The following SMIM3 variants were observed in gnomAD, a reference collection of about 807,000 sequenced individuals.
SMIM3 encodes small integral membrane protein 3, also known as NGF-induced differentiation clone 67 protein.
SMIM3 carries 4 observed loss-of-function variants against 2.1 expected under a neutral mutation model. The ratio of observed to expected loss-of-function variants is 1.89; its 90% confidence interval spans 0.93 to 4.31. The LOEUF is 4.31. Among genes scored for constraint, SMIM3 ranks in the 30% most tolerant of loss-of-function variants. The pLI is 0.01. For synonymous variants in SMIM3, 29 were observed against 30.8 expected, an observed-to-expected ratio of 0.94 and a Z score of 0.19; for missense variants, 79 against 77.7, an observed-to-expected ratio of 1.02 and a Z score of -0.06.
intron 1 of SMIM3, among the ~76,000 whole-genome samples, chr5:150,780,792 C>T (rs1405333951): frequency 6.6e-6 from 1 of 152,124 alleles, no homozygotes; most frequent in Non-Finnish European, 1.5e-5. Context: ...AAGGAAATAC[C>T]TCCAAGGAAA....
At chr5:150,779,025 T>C (rs1753204542) in intron 1 of SMIM3, 53 bp downstream of exon 1, 2 of 469,964 alleles carry the variant, frequency 4.3e-6, no homozygotes, top group African/African-American at 4.0e-5. Context: ...AGCGGAGCTC[T>C]TCGGATTCGC....
chr5:150,781,145 G>T (rs1398647284), intron 1 of SMIM3, among the ~76,000 whole-genome samples: 1 of 152,202 alleles, frequency 6.6e-6, no homozygotes, highest in Non-Finnish European at 1.5e-5. Flanking sequence ...CAGAAAGTAA[G>T]TGGCAGAGCT....
chr5:150,780,956 T>C (rs749527366), intron 1 of SMIM3, among the ~76,000 whole-genome samples: 3 of 152,218 alleles, frequency 2.0e-5, no homozygotes, highest in Non-Finnish European at 2.9e-5. Context: ...AATGATGTTA[T>C]AATGATCATA....
chr5:150,789,710 A>T (rs1323537982), intron 1 of SMIM3, among the ~76,000 whole-genome samples: 1 of 152,212 alleles, frequency 6.6e-6, no homozygotes, highest in Non-Finnish European at 1.5e-5. Flanking sequence ...CAATTTTTTC[A>T]GTTAGAAGAA....
intron 1 of SMIM3, among the ~76,000 whole-genome samples, chr5:150,779,829 A>ATGGGGGGGGGGGCCCCCC: frequency 9.0e-6 from 1 of 111,120 alleles, no homozygotes; most frequent in Non-Finnish European, 1.9e-5. Flanking sequence ...GAAAGGTGTA[A>ATGGGGGGGGGGGCCCCCC]CCCCCCCCGC....
In SMIM3 at chr5:150,795,579, A is replaced by G. The variant is rs751193101; in HGVS notation, c.139A>G (p.Ile47Val). Residue 47 changes from isoleucine (I) to valine (V), a missense_variant, in exon 2 of 2, where the codon ATC becomes GTC. Coordinates refer to ENST00000526627, the MANE Select transcript of SMIM3 (RefSeq NM_032947.5). ...GCTGTGCCCAGCCACTGCAGTAATCATCTATCGCATGCGGACTCATCCGAT... is the reference window on the plus strand; with the variant it reads ...GCTGTGCCCAGCCACTGCAGTAATCGTCTATCGCATGCGGACTCATCCGAT... ...LLLCPATAVI[I>V]YRMRTHPILS... 6.3e-7 allele frequency: 1 copy of G among 1,589,948 alleles called. No individual in the cohort carries two copies. Among genetic ancestry groups the G allele is most frequent in the Admixed American group, 1.8e-5 (1 of 56,776 alleles).
At chr5:150,781,139 A>G (rs1753228896) in intron 1 of SMIM3, among the ~76,000 whole-genome samples, 1 of 152,198 alleles carries the variant, frequency 6.6e-6, no homozygotes, top group South Asian at 2.1e-4. Context: ...ATCACACAGA[A>G]AGTAAGTGGC....
chr5:150,796,246 G>C lies in SMIM3; in HGVS notation c.*623G>C, dbSNP rs1753407805. ...GTGCCATCTTTGGGCACTGCCAAGG[G>C]AGTTGGGGTGATGGGCTTCTTTCTG... On this transcript the variant is annotated 3_prime_UTR_variant, in exon 2 of 2. Coordinates refer to ENST00000526627, the MANE Select transcript of SMIM3 (RefSeq NM_032947.5). The C allele has an allele frequency of 6.5e-6, 1 of 153,258 alleles. No individual in the cohort carries two copies. Among genetic ancestry groups the C allele is most frequent in the Non-Finnish European group, 1.5e-5 (1 of 68,304 alleles). 9.5% of individuals were successfully genotyped at this position (153,258 alleles called of 1,614,324 possible). A position where few individuals can be genotyped will look rare whatever the true frequency, so the allele number is the denominator to read the frequency against.
intron 1 of SMIM3, among the ~76,000 whole-genome samples, chr5:150,781,699 C>A (rs1176094103): frequency 6.6e-6 from 1 of 152,162 alleles, no homozygotes; most frequent in Non-Finnish European, 1.5e-5. Flanking sequence ...GGGAGAGCGA[C>A]CTGTTGAGGC....
intron 1 of SMIM3, among the ~76,000 whole-genome samples, chr5:150,792,058 A>G (rs921948047): frequency 1.3e-5 from 2 of 152,232 alleles, no homozygotes; most frequent in African/African-American, 4.8e-5. Flanking sequence ...CAAATAATGC[A>G]GAAAGTAACA....
At chr5:150,795,313 C>T (rs1451576846) in intron 1 of SMIM3, 117 bp from the exon 2 acceptor site, 2 of 1,076,820 alleles carry the variant, frequency 1.9e-6, no homozygotes, top group Admixed American at 3.5e-5. Context: ...ATCAGGGAAC[C>T]TTAAAGTTTA....
chr5:150,782,442 C>G (rs1217147980), intron 1 of SMIM3, among the ~76,000 whole-genome samples: 1 of 152,162 alleles, frequency 6.6e-6, no homozygotes, highest in East Asian at 1.9e-4. Context: ...ATCACTGCTC[C>G]CCTCACCCCT....
At chr5:150,793,267 A>G (rs190761813) in intron 1 of SMIM3, among the ~76,000 whole-genome samples, 170 of 152,322 alleles carry the variant, frequency 1.1e-3, no homozygotes, top group African/African-American at 3.8e-3. Context: ...TACAAATTCA[A>G]CGCAATCCCC....
intron 1 of SMIM3, among the ~76,000 whole-genome samples, chr5:150,780,116 G>A (rs1753216558): frequency 6.6e-6 from 1 of 152,190 alleles, no homozygotes; most frequent in African/African-American, 2.4e-5. Context: ...AGTTTGGAAG[G>A]ATTGGGGATG....
chr5:150,791,754 C>T (rs1011156820), intron 1 of SMIM3, among the ~76,000 whole-genome samples: 5 of 152,052 alleles, frequency 3.3e-5, no homozygotes, highest in African/African-American at 7.3e-5. Context: ...ATTTCAAATC[C>T]TTTGGTTATA....
At chr5:150,787,413 T>C (rs965958089) in intron 1 of SMIM3, among the ~76,000 whole-genome samples, 2 of 152,232 alleles carry the variant, frequency 1.3e-5, no homozygotes, top group African/African-American at 4.8e-5. Context: ...AGATTGCGTA[T>C]CTCTTCTTAA....
At chr5:150,780,262 G>A (rs1302684263) in intron 1 of SMIM3, among the ~76,000 whole-genome samples, 2 of 152,222 alleles carry the variant, frequency 1.3e-5, no homozygotes, top group East Asian at 3.9e-4. Context: ...CATGGGAGTG[G>A]AACAGATGTT....
chr5:150,780,897 T>C (rs1050005731), intron 1 of SMIM3, among the ~76,000 whole-genome samples: 1 of 152,200 alleles, frequency 6.6e-6, no homozygotes, highest in African/African-American at 2.4e-5. Flanking sequence ...GTGTTGGCAT[T>C]GCGACACCCT....
chr5:150,784,153 G>A lies in SMIM3; in HGVS notation c.-12+5181G>A, dbSNP rs183389185. Among the ~76,000 whole-genome samples, 15 of 152,122 alleles carry A rather than the reference G, an allele frequency of 9.9e-5. No homozygotes were observed. In the East Asian group the frequency reaches 2.3e-3, roughly 24 times the overall value. ...AGGATGGTCTCCATCTCTTGACCTT[G>A]TGATTTAGGAACGATGCCGGGTTCA... On this transcript the variant is annotated intron_variant, in intron 1 of 1. Coordinates refer to ENST00000526627, the MANE Select transcript of SMIM3 (RefSeq NM_032947.5).
Sources: allele counts gnomAD v4.1 joint callset (sites outside exome capture counted in the v4.1 genomes callset), GRCh38; gene constraint gnomAD v4.1.1; transcripts MANE v1.5; gene names NCBI Gene and HGNC (gene_info 2026-07-23, HGNC 2026-07-21).